DCC: variants seen among roughly 807,000 people sequenced by gnomAD.
DCC encodes netrin receptor DCC.
In DCC, 58 loss-of-function variants were observed where a neutral mutation model predicts 172.5. The observed-to-expected ratio is 0.34, with a 90% CI of 0.27 to 0.42. The LOEUF (loss-of-function observed/expected upper bound fraction) is 0.42. Ranked by LOEUF, DCC falls within the 10% of genes least tolerant of loss-of-function variation. The pLI, the probability that DCC is intolerant of heterozygous loss-of-function variation, is 1.00. For synonymous variants in DCC, 709 were observed against 644.5 expected (o/e 1.10, Z -1.52); for missense variants, 1,740 against 1,791.0 (o/e 0.97, Z 0.51).
intron 1 of DCC, among the ~76,000 whole-genome samples, chr18:52,527,308 A>G (rs8098569): frequency 0.012 from 1,899 of 152,348 alleles, 42 homozygotes; most frequent in African/African-American, 0.042. Context: ...AGAAACAAAC[A>G]TAGCCTTTTT....
intron 2 of DCC, among the ~76,000 whole-genome samples, chr18:52,841,137 T>C (rs966355445): frequency 7.2e-5 from 11 of 151,968 alleles, no homozygotes; most frequent in Non-Finnish European, 1.3e-4. Context: ...CTTGGAGTGA[T>C]GGTGGAGGAA....
intron 2 of DCC, among the ~76,000 whole-genome samples, chr18:52,816,184 G>C (rs193103287): frequency 3.0e-4 from 46 of 152,316 alleles, no homozygotes; most frequent in African/African-American, 9.9e-4. Context: ...AGCTGTGAAG[G>C]AAATGAGTAG....
chr18:53,159,664 T>G (rs2054802867), intron 8 of DCC, among the ~76,000 whole-genome samples: 1 of 152,224 alleles, frequency 6.6e-6, no homozygotes. Flanking sequence ...TATCTATATC[T>G]GTCTATCTGT....
At chr18:52,666,419 T>C (rs1440880251) in intron 1 of DCC, among the ~76,000 whole-genome samples, 1 of 152,254 alleles carries the variant, frequency 6.6e-6, no homozygotes, top group East Asian at 1.9e-4. Flanking sequence ...TAATGATTGA[T>C]CTTAAGTTTT....
intron 1 of DCC, among the ~76,000 whole-genome samples, chr18:52,679,076 T>C (rs1256743006): frequency 1.3e-5 from 2 of 152,102 alleles, no homozygotes; most frequent in African/African-American, 4.8e-5. Context: ...TGGTTGGTAG[T>C]CTACGAGCTT....
chr18:52,470,643 A>G (rs73955651), intron 1 of DCC, among the ~76,000 whole-genome samples: 6,461 of 152,278 alleles, frequency 0.042, 180 homozygotes, highest in South Asian at 0.12. Flanking sequence ...TTTCAAATAC[A>G]TAAGTCAGGA....
chr18:53,450,171 A>G (rs919905444), intron 22 of DCC, among the ~76,000 whole-genome samples: 1 of 151,516 alleles, frequency 6.6e-6, no homozygotes, highest in Non-Finnish European at 1.5e-5. Context: ...ATACATATGC[A>G]TACATACATA....
intron 15 of DCC, among the ~76,000 whole-genome samples, chr18:53,354,211 C>T (rs2057849994): frequency 6.6e-6 from 1 of 152,140 alleles, no homozygotes; most frequent in Non-Finnish European, 1.5e-5. Context: ...TGAATAGTGC[C>T]ATAATAAACA....
At chr18:52,874,921 G>A (rs1231440160) in intron 2 of DCC, among the ~76,000 whole-genome samples, 3 of 152,134 alleles carry the variant, frequency 2.0e-5, no homozygotes, top group South Asian at 2.1e-4. Flanking sequence ...AGGGAAGGGT[G>A]AACAGTGTAG....
intron 8 of DCC, among the ~76,000 whole-genome samples, chr18:53,171,004 C>G (rs903218450): frequency 1.6e-4 from 24 of 152,130 alleles, no homozygotes; most frequent in African/African-American, 5.8e-4. Flanking sequence ...CGTGCCTCAG[C>G]CACTAGAGTA....
chr18:52,576,734 G>A (rs1198741828), intron 1 of DCC, among the ~76,000 whole-genome samples: 1 of 151,478 alleles, frequency 6.6e-6, no homozygotes, highest in Non-Finnish European at 1.5e-5. Context: ...GGAGGCTGAG[G>A]CAGGAGAATG....
chr18:53,271,392 G>A (rs2056746906), intron 12 of DCC, among the ~76,000 whole-genome samples: 1 of 152,184 alleles, frequency 6.6e-6, no homozygotes, highest in Admixed American at 6.5e-5. Context: ...GTTCCTATGA[G>A]TCTGGAATCC....
At chr18:53,147,449 G>A (rs2043932875) in intron 7 of DCC, among the ~76,000 whole-genome samples, 2 of 152,192 alleles carry the variant, frequency 1.3e-5, no homozygotes, top group African/African-American at 2.4e-5. Flanking sequence ...AATACTCTAC[G>A]TCTATGAACT....
At chr18:52,850,733 A>C (rs949943344) in intron 2 of DCC, among the ~76,000 whole-genome samples, 1 of 152,154 alleles carries the variant, frequency 6.6e-6, no homozygotes, top group Non-Finnish European at 1.5e-5. Flanking sequence ...CTTGAATAAA[A>C]GTAGTTCAAT....
chr18:52,942,252 T>C (rs1434007808), intron 5 of DCC, among the ~76,000 whole-genome samples: 2 of 152,186 alleles, frequency 1.3e-5, no homozygotes, highest in Admixed American at 6.5e-5. Context: ...ATTAATTTAG[T>C]CTATACATCT....
At chr18:53,183,659 T>G (rs2055233354) in intron 9 of DCC, among the ~76,000 whole-genome samples, 1 of 152,094 alleles carries the variant, frequency 6.6e-6, no homozygotes, top group African/African-American at 2.4e-5. Context: ...CTTAGTCTAT[T>G]ATATTCTTTA....
At chr18:52,981,059 A>G (rs1432115020) in intron 5 of DCC, among the ~76,000 whole-genome samples, 1 of 152,062 alleles carries the variant, frequency 6.6e-6, no homozygotes, top group African/African-American at 2.4e-5. Context: ...TCCCAGACCC[A>G]GTAATATACA....
chr18:52,847,594 AC>A lies in DCC; in HGVS notation c.413-58449del, dbSNP rs1343328251. On this transcript the variant is annotated intron_variant, in intron 2 of 28. Transcript: ENST00000442544. ...ATGAGTATATAAAGATCGTACCATC[AC>A]TTCGTCTCTGTAACCACGTTCCCTC... Among the ~76,000 whole-genome samples the A allele has an allele frequency of 3.3e-5, 5 of 152,328 alleles. No individual in the cohort carries two copies. The East Asian group carries it at 9.7e-4, about 29-fold the overall frequency.
intron 1 of DCC, among the ~76,000 whole-genome samples, chr18:52,547,741 T>C (rs999007137): frequency 6.6e-6 from 1 of 152,070 alleles, no homozygotes; most frequent in Non-Finnish European, 1.5e-5. Flanking sequence ...AGGAACAGCA[T>C]GAGCAAAGGA....
Sources: allele counts gnomAD v4.1 joint callset (sites outside exome capture counted in the v4.1 genomes callset), GRCh38; gene constraint gnomAD v4.1.1; transcripts MANE v1.5; gene names NCBI Gene and HGNC (gene_info 2026-07-23, HGNC 2026-07-21).